Variants in SGCZ observed in about 807,000 individuals in gnomAD.
SGCZ encodes the protein zeta-sarcoglycan.
In SGCZ, 40 loss-of-function variants were observed where a neutral mutation model predicts 41.3. The ratio of observed to expected loss-of-function variants is 0.97; its 90% CI spans 0.75 to 1.26. The LOEUF is 1.26. SGCZ is among the 50% of genes most tolerant of loss of function. The pLI, the probability that SGCZ is intolerant of heterozygous loss-of-function variation, is 0.00. For synonymous variants in SGCZ, 206 were observed against 137.5 expected, an observed-to-expected ratio of 1.50 and a Z score of -3.49; for missense variants, 552 against 369.8, an observed-to-expected ratio of 1.49 and a Z score of -4.04.
chr8:14,115,807 G>C, intron 5 of SGCZ, among the ~76,000 whole-genome samples: 1 of 151,356 alleles, frequency 6.6e-6, no homozygotes, highest in East Asian at 1.9e-4. Flanking sequence ...GGGGGTGGGG[G>C]TGGAAATTAG....
chr8:15,204,668 C>T (rs569184355), intron 1 of SGCZ, among the ~76,000 whole-genome samples: 1 of 152,286 alleles, frequency 6.6e-6, no homozygotes, highest in South Asian at 2.1e-4. Flanking sequence ...CATCTCAAGT[C>T]CTGCCCTCTG....
At position 14,352,203 on chromosome 8, in the gene SGCZ, T is replaced by C. The variant is rs1803124605; in HGVS notation, c.235-27999A>G. ...ACTTGTGTGAAGACTCAATTGAAAA[T>C]ATAACTTTAGGAATTTCCAGGCTGA... On this transcript the variant is annotated intron_variant, in intron 2 of 7. Transcript: ENST00000382080. Among the ~76,000 whole-genome samples the C allele has an allele frequency of 3.9e-5, 6 of 152,090 alleles. No individual in the cohort carries two copies. The South Asian group carries it at 1.2e-3, about 32-fold the overall frequency.
chr8:14,322,320 G>A (rs747381642), intron 3 of SGCZ, among the ~76,000 whole-genome samples: 2 of 151,990 alleles, frequency 1.3e-5, no homozygotes. Flanking sequence ...GATATGAAGC[G>A]GAGCATATAT....
chr8:14,979,747 T>A (rs1801600726), intron 1 of SGCZ, among the ~76,000 whole-genome samples: 1 of 152,236 alleles, frequency 6.6e-6, no homozygotes, highest in Admixed American at 6.5e-5. Context: ...CTAAATATGT[T>A]AGACTGGTTA....
intron 1 of SGCZ, among the ~76,000 whole-genome samples, chr8:14,841,171 C>G (rs533529038): frequency 6.6e-6 from 1 of 151,606 alleles, no homozygotes; most frequent in Non-Finnish European, 1.5e-5. Context: ...ATGTCTGAAA[C>G]ATTAAACCCA....
At chr8:15,110,729 G>T (rs1563131321) in intron 1 of SGCZ, among the ~76,000 whole-genome samples, 1 of 152,180 alleles carries the variant, frequency 6.6e-6, no homozygotes, top group Non-Finnish European at 1.5e-5. Context: ...AGCACTTTGG[G>T]AAGCCAAGGC....
intron 1 of SGCZ, among the ~76,000 whole-genome samples, chr8:14,946,256 G>A (rs936546614): frequency 6.6e-6 from 1 of 150,876 alleles, no homozygotes; most frequent in Admixed American, 6.6e-5. Context: ...TAGTCAAGCA[G>A]AGCGTAGACT....
intron 1 of SGCZ, among the ~76,000 whole-genome samples, chr8:15,110,804 A>T (rs1194081142): frequency 6.6e-6 from 1 of 152,150 alleles, no homozygotes; most frequent in East Asian, 1.9e-4. Flanking sequence ...CCCTGTCTCT[A>T]CTAAAAATAC....
chr8:14,910,874 A>G (rs1488192671), intron 1 of SGCZ, among the ~76,000 whole-genome samples: 1 of 152,022 alleles, frequency 6.6e-6, no homozygotes, highest in Non-Finnish European at 1.5e-5. Flanking sequence ...CAAAAGTTGA[A>G]TACATCCTAG....
intron 2 of SGCZ, among the ~76,000 whole-genome samples, chr8:14,462,641 C>G (rs565565419): frequency 5.1e-4 from 77 of 152,062 alleles, no homozygotes; most frequent in African/African-American, 1.6e-3. Flanking sequence ...AGTTTTGAAA[C>G]CGGGAAGTAT....
chr8:14,866,022 T>C (rs1803918432), intron 1 of SGCZ, among the ~76,000 whole-genome samples: 1 of 152,092 alleles, frequency 6.6e-6, no homozygotes, highest in Non-Finnish European at 1.5e-5. Flanking sequence ...GTGTTAGTTT[T>C]GATTTTTTTA....
intron 1 of SGCZ, among the ~76,000 whole-genome samples, chr8:14,919,744 C>T (rs1799536861): frequency 6.6e-6 from 1 of 151,968 alleles, no homozygotes; most frequent in African/African-American, 2.4e-5. Flanking sequence ...ATGGTGAAAC[C>T]CCATCTCTGC....
At chr8:14,702,868 G>GATAGATAGATAGATAT (rs1809203940) in intron 1 of SGCZ, among the ~76,000 whole-genome samples, 1 of 135,744 alleles carries the variant, frequency 7.4e-6, no homozygotes, top group Admixed American at 7.6e-5. Context: ...TAGATAGATA[G>GATAGATAGATAGATAT]ATAGATAGAT....
intron 4 of SGCZ, among the ~76,000 whole-genome samples, chr8:14,202,347 G>T (rs1460022930): frequency 6.6e-6 from 1 of 152,066 alleles, no homozygotes; most frequent in East Asian, 1.9e-4. Context: ...CTTGATTTTA[G>T]CCCAGTGAGA....
At chr8:14,287,863 T>G (rs937649104) in intron 3 of SGCZ, among the ~76,000 whole-genome samples, 1 of 152,076 alleles carries the variant, frequency 6.6e-6, no homozygotes, top group Non-Finnish European at 1.5e-5. Flanking sequence ...TGAGTCTTCA[T>G]TTGCAGTAAT....
chr8:14,968,277 T>C (rs926793234), intron 1 of SGCZ, among the ~76,000 whole-genome samples: 2 of 152,166 alleles, frequency 1.3e-5, no homozygotes, highest in Non-Finnish European at 2.9e-5. Context: ...ATTAAGATTT[T>C]TGTGGCAGAT....
At chr8:14,943,642 G>T (rs1410082615) in intron 1 of SGCZ, among the ~76,000 whole-genome samples, 2 of 152,070 alleles carry the variant, frequency 1.3e-5, no homozygotes, top group South Asian at 4.1e-4. Flanking sequence ...TGTCATGGGG[G>T]TTTGGGGGTT....
intron 1 of SGCZ, among the ~76,000 whole-genome samples, chr8:14,987,475 T>C (rs1264684580): frequency 6.6e-6 from 1 of 152,064 alleles, no homozygotes; most frequent in African/African-American, 2.4e-5. Flanking sequence ...ATCTTTCTGC[T>C]GTGAAATATT....
At chr8:14,986,498 G>A (rs894254141) in intron 1 of SGCZ, among the ~76,000 whole-genome samples, 2 of 152,076 alleles carry the variant, frequency 1.3e-5, no homozygotes, top group African/African-American at 4.8e-5. Flanking sequence ...GAACAAATTA[G>A]AAGGGATTTG....
Sources: allele counts gnomAD v4.1 joint callset (sites outside exome capture counted in the v4.1 genomes callset), GRCh38; gene constraint gnomAD v4.1.1; transcripts MANE v1.5; gene names NCBI Gene and HGNC (gene_info 2026-07-23, HGNC 2026-07-21).